GRM7: variants seen among roughly 807,000 people sequenced by gnomAD.
GRM7 encodes metabotropic glutamate receptor 7.
In GRM7, 35 loss-of-function variants were observed where a neutral mutation model predicts 84.5. That is an observed-to-expected ratio of 0.41 (90% confidence interval 0.32 to 0.55). GRM7 has a LOEUF of 0.55. Among genes scored for constraint, GRM7 ranks in the 20% least tolerant of loss-of-function variants. The pLI is 0.19. For synonymous variants in GRM7, 487 were observed against 455.1 expected (o/e 1.07, Z -0.89); for missense variants, 1,003 against 1,194.6 (o/e 0.84, Z 2.36).
chr3:7,496,573 G>A (rs950163682), intron 7 of GRM7, among the ~76,000 whole-genome samples: 1 of 152,072 alleles, frequency 6.6e-6, no homozygotes, highest in African/African-American at 2.4e-5. Flanking sequence ...AAATTGCTAA[G>A]AAGTACATCA....
chr3:7,298,852 AT>A lies in GRM7; in HGVS notation c.878+28del, dbSNP rs746348191. On this transcript the variant is annotated intron_variant, in intron 3 of 9. Transcript: ENST00000357716. ...TAAGAATAACTGGTGACAATTGTTA[AT>A]ATGCATGTTGCAATTTTAGGAGAGA... is the stretch of plus-strand genomic sequence containing the variant. 4.5e-5 allele frequency: 71 copies of A among 1,594,960 alleles called. 1 individual carries two copies. The highest frequency in any genetic ancestry group is 5.2e-5 in the Non-Finnish European group (61 of 1,163,358).
intron 1 of GRM7, among the ~76,000 whole-genome samples, chr3:7,004,493 A>C (rs1695116393): frequency 6.6e-6 from 1 of 152,232 alleles, no homozygotes; most frequent in South Asian, 2.1e-4. Context: ...CCCATTGAGA[A>C]GGAACCTATT....
chr3:7,636,240 C>T (rs1447242792), intron 8 of GRM7: 3 of 456,672 alleles, frequency 6.6e-6, no homozygotes, highest in South Asian at 4.6e-5. Flanking sequence ...TCTTCTCTTA[C>T]CCCACTTCCC....
intron 4 of GRM7, among the ~76,000 whole-genome samples, chr3:7,383,765 G>A (rs1694680804): frequency 6.6e-6 from 1 of 152,070 alleles, no homozygotes; most frequent in South Asian, 2.1e-4. Context: ...ATTAAGCCAA[G>A]GAAATATATA....
At chr3:7,310,262 T>G (rs906639236) in intron 4 of GRM7, among the ~76,000 whole-genome samples, 2 of 148,556 alleles carry the variant, frequency 1.3e-5, no homozygotes, top group Admixed American at 6.6e-5. Flanking sequence ...GTGATGATTT[T>G]CAAATGGGAC....
intron 1 of GRM7, among the ~76,000 whole-genome samples, chr3:6,936,519 G>T (rs1312334667): frequency 6.6e-6 from 1 of 152,076 alleles, no homozygotes; most frequent in African/African-American, 2.4e-5. Context: ...ATTTTTTTGA[G>T]TTCTCTTTAC....
intron 1 of GRM7, among the ~76,000 whole-genome samples, chr3:7,119,344 A>G (rs1351924734): frequency 6.6e-6 from 1 of 152,072 alleles, no homozygotes; most frequent in African/African-American, 2.4e-5. Context: ...TTTACTGAAC[A>G]TGCTCTACTG....
intron 7 of GRM7, among the ~76,000 whole-genome samples, chr3:7,560,504 A>G (rs1693968295): frequency 1.3e-5 from 2 of 152,006 alleles, no homozygotes; most frequent in Admixed American, 6.6e-5. Flanking sequence ...ACACTCTGCT[A>G]TTAAAGTTTG....
chr3:7,404,266 T>C (rs1181449953), intron 4 of GRM7, among the ~76,000 whole-genome samples: 2 of 152,252 alleles, frequency 1.3e-5, no homozygotes, highest in East Asian at 3.9e-4. Context: ...CATTTGTAGG[T>C]AGGCATCAGG....
At chr3:7,139,072 T>C (rs147322995) in intron 1 of GRM7, among the ~76,000 whole-genome samples, 3,055 of 147,598 alleles carry the variant, frequency 0.021, 110 homozygotes, top group African/African-American at 0.072. Context: ...CATTATATAA[T>C]ATTATATAAT....
chr3:6,892,228 T>G (rs1695984719), intron 1 of GRM7, among the ~76,000 whole-genome samples: 1 of 152,102 alleles, frequency 6.6e-6, no homozygotes, highest in South Asian at 2.1e-4. Context: ...ATATTTTGAA[T>G]TAGAAATGAA....
chr3:7,076,104 AT>A (rs1698067972), intron 1 of GRM7, among the ~76,000 whole-genome samples: 2 of 152,180 alleles, frequency 1.3e-5, no homozygotes, highest in Admixed American at 1.3e-4. Flanking sequence ...TCTGCTGGGC[AT>A]GGGGAGAGTG....
chr3:7,455,291 C>T (rs1697959156), intron 6 of GRM7, among the ~76,000 whole-genome samples: 1 of 151,998 alleles, frequency 6.6e-6, no homozygotes, highest in Admixed American at 6.6e-5. Flanking sequence ...TTTTTTTAGG[C>T]AAGAATCATG....
rs146304510 is a variant in GRM7 at position 7,666,716 on chromosome 3, A to G, written c.2452-13333A>G. 9.7e-4 allele frequency among the ~76,000 whole-genome samples: 148 copies of G among 152,292 alleles called. 2 individuals are homozygous for G. In the East Asian group the frequency reaches 0.026, roughly 27 times the overall value. On this transcript the variant is annotated intron_variant, in intron 8 of 9. Transcript: ENST00000357716. ...AGGGCATTGGGATGAGAAGGGAACA[A>G]ATTACAGAAATATTACCGGTATTAT...
chr3:7,697,724 A>T (rs1018844071), intron 9 of GRM7, among the ~76,000 whole-genome samples: 2 of 152,174 alleles, frequency 1.3e-5, no homozygotes, highest in Non-Finnish European at 2.9e-5. Flanking sequence ...AGCGCTACAT[A>T]GCAGTTCATG....
rs571637228 is a variant in GRM7 at position 7,640,209 on chromosome 3, C to T, written c.2452-39840C>T. Among the ~76,000 whole-genome samples the T allele has an allele frequency of 6.6e-5, 10 of 152,268 alleles. No homozygotes were observed. The South Asian group carries it at 2.1e-3, about 32-fold the overall frequency. ...GGCAAATGATCAATTTCATTCTTAG[C>T]TCACTAGATGACTTCAGCTAGAAAG... On this transcript the variant is annotated intron_variant, in intron 8 of 9. Transcript: ENST00000357716.
chr3:7,682,336 C>CAAAAAAAAAAAA (rs905940773), intron 9 of GRM7: 1 of 51,096 alleles, frequency 2.0e-5, no homozygotes, highest in Admixed American at 2.3e-4. Flanking sequence ...AACTCCATCT[C>CAAAAAAAAAAAA]AAAAAAAAAA....
chr3:7,573,926 C>T (rs558833451), intron 7 of GRM7, among the ~76,000 whole-genome samples: 4 of 152,208 alleles, frequency 2.6e-5, no homozygotes, highest in East Asian at 1.9e-4. Flanking sequence ...AGATAGAATG[C>T]GTGACTGCAA....
intron 8 of GRM7, among the ~76,000 whole-genome samples, chr3:7,595,305 G>A (rs1470000431): frequency 6.6e-6 from 1 of 152,176 alleles, no homozygotes; most frequent in African/African-American, 2.4e-5. Context: ...AGTCATGAAA[G>A]GCTTCAGTGA....
Sources: gnomAD v4.1 joint callset for allele counts (sites outside exome capture counted in the v4.1 genomes callset) on GRCh38, gnomAD v4.1.1 for gene constraint, MANE v1.5 for transcripts, NCBI Gene and HGNC (gene_info 2026-07-23, HGNC 2026-07-21) for gene names.